Variants in MDC1 observed in about 807,000 individuals in gnomAD.
The protein encoded by MDC1 is mediator of DNA damage checkpoint 1.
MDC1 carries 81 observed loss-of-function variants against 142.5 expected under a neutral mutation model. The ratio of observed to expected loss-of-function variants is 0.57; its 90% CI spans 0.47 to 0.68. MDC1 has a LOEUF of 0.68. Among genes scored for constraint, MDC1 ranks in the 30% least tolerant of loss-of-function variants. The pLI is 0.00. For missense variants in MDC1, 2,119 were observed against 2,547.9 expected (o/e 0.83, Z 3.62); for synonymous variants, 797 against 968.4 (o/e 0.82, Z 3.29).
intron 7 of MDC1, among the ~76,000 whole-genome samples, chr6:30,710,690 C>T (rs1774727822): frequency 6.6e-6 from 1 of 152,036 alleles, no homozygotes; most frequent in Non-Finnish European, 1.5e-5. Flanking sequence ...AGCCACTGTG[C>T]CCGACCCCGG....
chr6:30,705,111 A>T lies in MDC1; in HGVS notation c.4072T>A (p.Ser1358Thr), dbSNP rs115207940. The part of the protein sequence containing the change: ...SRTTRSRTNM[S>T]SVKNPESTVP... ...GTTGATTCAGGGTTCTTCACAGAGG[A>T]CATATTTGTCCTGCTCCTAGTGGTC... The change falls in exon 10 of 15, where the codon TCC becomes ACC. Residue 1358 changes from serine (S) to threonine (T), a missense_variant. Coordinates refer to ENST00000376406, the MANE Select transcript of MDC1 (RefSeq NM_014641.3). 1.9e-4 allele frequency: 312 copies of T among 1,611,334 alleles called. 2 individuals are homozygous for T. In the African/African-American group the frequency reaches 3.9e-3, roughly 20 times the overall value.
At position 30,712,959 on chromosome 6, in the gene MDC1, T is replaced by C. The variant is rs765560793; in HGVS notation, c.983A>G (p.Asp328Gly). 1.9e-5 allele frequency: 30 copies of C among 1,612,940 alleles called. No homozygotes were observed. The Admixed American group carries it at 5.0e-4, about 27-fold the overall frequency. The change falls in exon 5 of 15, where the codon GAC (aspartate) becomes GGC (glycine). Residue 328 changes from aspartate (D) to glycine (G), a missense_variant. By Grantham distance (94) the Asp-to-Gly change is moderately conservative. Transcript: ENST00000376406. The surrounding 1 kb of genome is among the most constrained non-coding windows in gnomAD (Gnocchi z 4.7). ...CTCTTCTTCCGCATCAGTGTCGCTGTCGATGAAGCCAAAAGGCTGAGCCCT... is the reference window on the plus strand; with the variant it reads ...CTCTTCTTCCGCATCAGTGTCGCTGCCGATGAAGCCAAAAGGCTGAGCCCT... ...LERAQPFGFI[D>G]SDTDAEEERI...
In MDC1 at chr6:30,717,218, G is replaced by A. The variant is rs577242701; in HGVS notation, c.-4+27C>T. On this transcript the variant is annotated intron_variant, in intron 1 of 14. Coordinates refer to ENST00000376406, the MANE Select transcript of MDC1 (RefSeq NM_014641.3). ...GGGGAACCAAGATGGCTCCCGGGGAGCCGTGGGCCAGGCCCCTAGAACTCA... is the reference window on the plus strand; with the variant it reads ...GGGGAACCAAGATGGCTCCCGGGGAACCGTGGGCCAGGCCCCTAGAACTCA... 8 of 152,352 alleles carry A rather than the reference G, an allele frequency of 5.3e-5. No individual in the cohort carries two copies. In the East Asian group the frequency reaches 1.5e-3, roughly 29 times the overall value. The allele number at this position is 152,352 out of a possible 1,614,324, so 9.4% of individuals were successfully genotyped here.
Position 30,714,157 on chromosome 6 carries a change from C to T in MDC1, c.163G>A (p.Val55Met). 1 of 1,610,460 alleles carries T rather than the reference C, an allele frequency of 6.2e-7. No individual in the cohort carries two copies. Among genetic ancestry groups the T allele is most frequent in the Non-Finnish European group, 8.5e-7 (1 of 1,179,862 alleles). The change falls in exon 3 of 15, where the codon GTG becomes ATG. Residue 55 changes from valine (V) to methionine (M), a missense_variant. By Grantham distance (21) the Val-to-Met change is conservative. Coordinates refer to ENST00000376406, the MANE Select transcript of MDC1 (RefSeq NM_014641.3). ...KDFPLHLGKN[V>M]VGRMPDCSVA... ...GAGCAGTCAGGCATTCGGCCTACCA[C>T]ATTCTTCCCGAGGTGTAGTGGGAAA... is the stretch of plus-strand genomic sequence containing the variant.
Position 30,703,532 on chromosome 6 carries a change from G to A in MDC1, c.5568C>T (p.Val1856=), listed in dbSNP as rs745466962. ...TAEKPGKEED[V]VTPKPGKRKR... ...TTCTCTTGCCTGGTTTTGGAGTCAC[G>A]ACATCCTGAGATTGAGAAAAATCTT... Residue 1856 remains valine, a synonymous_variant, in exon 11 of 15, where the codon GTC becomes GTT. Coordinates refer to ENST00000376406, the MANE Select transcript of MDC1 (RefSeq NM_014641.3). This position sits in a 1 kb window ranked among gnomAD's most constrained non-coding sequence, Gnocchi z 4.4. The A allele has an allele frequency of 1.6e-5, 25 of 1,612,832 alleles. No individual in the cohort carries two copies. Among genetic ancestry groups the A allele is most frequent in the Non-Finnish European group, 1.9e-5 (22 of 1,180,032 alleles).
rs2127703952 is a variant in MDC1 at position 30,709,939 on chromosome 6, T to G, written c.2221+1473A>C. On this transcript the variant is annotated intron_variant, in intron 7 of 14. Transcript: ENST00000376406. This position sits in a 1 kb window ranked among gnomAD's most constrained non-coding sequence, Gnocchi z 4.2. ...CTCTGTCACCCAGTTTGGAGTGCAG[T>G]GGCATGACCTCAGCTCACTGCAACC... Among the ~76,000 whole-genome samples, 1 of 152,308 alleles carries G rather than the reference T, an allele frequency of 6.6e-6. No individual in the cohort carries two copies. Among genetic ancestry groups the G allele is most frequent in the African/African-American group, 2.4e-5 (1 of 41,568 alleles).
At position 30,709,260 on chromosome 6, in the gene MDC1, AC is replaced by A. The variant is rs1562111885; in HGVS notation, c.2222-904del. 6.6e-6 allele frequency among the ~76,000 whole-genome samples: 1 copy of A among 152,166 alleles called. No homozygotes were observed. The highest frequency in any genetic ancestry group is 1.5e-5 in the Non-Finnish European group (1 of 68,036). ...TTGAACTCTTAGACTCAAGTGATCC[AC>A]CCACATTGGTCTCCCAAAGTGCTGG... On this transcript the variant is annotated intron_variant, in intron 7 of 14. Transcript: ENST00000376406. This position sits in a 1 kb window ranked among gnomAD's most constrained non-coding sequence, Gnocchi z 4.2.
chr6:30,707,561 C>T lies in MDC1; in HGVS notation c.3013+5G>A. On this transcript the variant is annotated splice_donor_5th_base_variant and intron_variant, in intron 8 of 14. Coordinates refer to ENST00000376406, the MANE Select transcript of MDC1 (RefSeq NM_014641.3). ...CACCTTGGGTTCCCCTCTGCCTTCA[C>T]TTACCTTTCTGATGCCTCCTGGGGC... 1 of 1,612,260 alleles carries T rather than the reference C, an allele frequency of 6.2e-7. No individual in the cohort carries two copies. The highest frequency in any genetic ancestry group is 8.5e-7 in the Non-Finnish European group (1 of 1,179,376).
In MDC1 at chr6:30,712,059, C is replaced by G. The variant is rs1483241432; in HGVS notation, c.1883G>C (p.Gly628Ala). The change falls in exon 5 of 15, where the codon GGG (glycine) becomes GCG (alanine). Residue 628 changes from glycine (G) to alanine (A), a missense_variant. By Grantham distance (60) the Gly-to-Ala change is moderately conservative (BLOSUM62 0). Coordinates refer to ENST00000376406, the MANE Select transcript of MDC1 (RefSeq NM_014641.3). The surrounding 1 kb of genome is among the most constrained non-coding windows in gnomAD (Gnocchi z 4.7). ...ERAHEVGAQG[G>A]PPVAQVEQDL... Reference sequence around the variant, plus strand: ...CTGCTCCACTTGTGCCACAGGTGGCCCACCCTGGGCCCCCACCTCATGAGC... The same window carrying G: ...CTGCTCCACTTGTGCCACAGGTGGCGCACCCTGGGCCCCCACCTCATGAGC... 1 of 1,586,516 alleles carries G rather than the reference C, an allele frequency of 6.3e-7. No individual in the cohort carries two copies. The highest frequency in any genetic ancestry group is 8.6e-7 in the Non-Finnish European group (1 of 1,167,640).
intron 9 of MDC1, among the ~76,000 whole-genome samples, chr6:30,706,971 A>G (rs965613214): frequency 3.3e-5 from 5 of 152,202 alleles, no homozygotes; most frequent in African/African-American, 1.2e-4. Context: ...TGTCTCAAAA[A>G]AGAACAAAAA....
intron 14 of MDC1, among the ~76,000 whole-genome samples, chr6:30,702,155 C>T (rs1017266481): frequency 7.2e-6 from 1 of 139,622 alleles, no homozygotes; most frequent in Non-Finnish European, 1.5e-5. Context: ...CCCAGCTACT[C>T]GGGAGGCTGA....
chr6:30,704,211 A>C lies in MDC1; in HGVS notation c.4972T>G (p.Ser1658Ala). Residue 1658 changes from serine to alanine, a missense_variant, in exon 10 of 15, where the codon TCT becomes GCT. Ser to Ala is a moderately conservative substitution (Grantham distance 99). Transcript: ENST00000376406. ...KTPKPVEPAASDLEPFTPTDQ... is the reference protein window; with the variant it reads ...KTPKPVEPAAADLEPFTPTDQ... ...GTGGGGGTAAAAGGCTCAAGATCAGAGGCTGCTGGTTCAACTGGTTTGGGA... is the reference window on the plus strand; with the variant it reads ...GTGGGGGTAAAAGGCTCAAGATCAGCGGCTGCTGGTTCAACTGGTTTGGGA... 6.2e-7 allele frequency: 1 copy of C among 1,611,766 alleles called. No homozygotes were observed. Among genetic ancestry groups the C allele is most frequent in the African/African-American group, 1.3e-5 (1 of 74,202 alleles).
chr6:30,713,819 G>A lies in MDC1; in HGVS notation c.501C>T (p.Asp167=). 1 of 1,613,938 alleles carries A rather than the reference G, an allele frequency of 6.2e-7. No individual in the cohort carries two copies. The highest frequency in any genetic ancestry group is 1.3e-5 in the African/African-American group (1 of 74,994). Residue 167 remains aspartate (D), a synonymous_variant, in exon 3 of 15, where the codon GAC becomes GAT. Transcript: ENST00000376406. The surrounding 1 kb of genome is among the most constrained non-coding windows in gnomAD (Gnocchi z 4.9). The part of the protein sequence containing the change: ...TQPQRLLLAE[D]SEEEVDFLSE... Reference sequence around the variant, plus strand: ...CAAACTTACCTACTTCCTCCTCCGAGTCCTCAGCCAACAGAAGCCTCTGGG... The same window carrying A: ...CAAACTTACCTACTTCCTCCTCCGAATCCTCAGCCAACAGAAGCCTCTGGG...
chr6:30,707,184 T>G (rs1774018558), intron 9 of MDC1, among the ~76,000 whole-genome samples, 200 bp downstream of exon 9: 1 of 151,976 alleles, frequency 6.6e-6, no homozygotes, highest in Non-Finnish European at 1.5e-5. Context: ...TTGAGTCAGG[T>G]AGGAGATACA....
In MDC1 at chr6:30,712,069, C is replaced by A; in HGVS notation, c.1873G>T (p.Ala625Ser). ...LKQERAHEVG[A>S]QGGPPVAQVE... ...TGTGCCACAGGTGGCCCACCCTGGGCCCCCACCTCATGAGCTCTCTCCTGC... is the reference window on the plus strand; with the variant it reads ...TGTGCCACAGGTGGCCCACCCTGGGACCCCACCTCATGAGCTCTCTCCTGC... The change falls in exon 5 of 15, where the codon GCC becomes TCC. Residue 625 changes from alanine to serine, a missense_variant. Physicochemically the swap from Ala to Ser is moderately conservative, Grantham distance 99. Transcript: ENST00000376406. The surrounding 1 kb of genome is among the most constrained non-coding windows in gnomAD (Gnocchi z 4.7). The A allele has an allele frequency of 4.4e-6, 7 of 1,590,320 alleles. No homozygotes were observed. The highest frequency in any genetic ancestry group is 5.1e-6 in the Non-Finnish European group (6 of 1,168,664).
Position 30,712,943 on chromosome 6 carries a change from C to T in MDC1, c.999G>A (p.Ala333=), listed in dbSNP as rs60399658. ...GGGTTGCTGGGATCCTCTCTTCTTC[C>T]GCATCAGTGTCGCTGTCGATGAAGC... is the stretch of plus-strand genomic sequence containing the variant. The part of the protein sequence containing the change: ...PFGFIDSDTD[A]EEERIPATPV... Residue 333 remains alanine, a synonymous_variant, in exon 5 of 15, where the codon GCG becomes GCA. Coordinates refer to ENST00000376406, the MANE Select transcript of MDC1 (RefSeq NM_014641.3). The surrounding 1 kb of genome is among the most constrained non-coding windows in gnomAD (Gnocchi z 4.7). 5.5e-3 allele frequency: 8,918 copies of T among 1,613,050 alleles called. 62 individuals carry two copies. Among genetic ancestry groups the T allele is most frequent in the East Asian group, 0.033 (1,487 of 44,886 alleles).
chr6:30,703,104 C>T lies in MDC1; in HGVS notation c.5865G>A (p.Gln1955=), dbSNP rs1406728776. The T allele has an allele frequency of 6.2e-7, 1 of 1,611,900 alleles. No homozygotes were observed. The highest frequency in any genetic ancestry group is 1.3e-5 in the African/African-American group (1 of 74,932). The change falls in exon 12 of 15, where the codon CAG becomes CAA. Residue 1955 remains glutamine (Q), a splice_region_variant and synonymous_variant. Coordinates refer to ENST00000376406, the MANE Select transcript of MDC1 (RefSeq NM_014641.3). The surrounding 1 kb of genome is among the most constrained non-coding windows in gnomAD (Gnocchi z 4.4). ...IPILSLDWLH[Q]SRKAGFFLPP... Reference sequence around the variant, plus strand: ...CTGTCATCATCCCTTGGCCTCTCACCTGATGCAGCCAGTCCAGGGACAGAA... The same window carrying T: ...CTGTCATCATCCCTTGGCCTCTCACTTGATGCAGCCAGTCCAGGGACAGAA...
chr6:30,701,306 CAGG>C lies in MDC1; in HGVS notation c.6103-677_6103-675del, dbSNP rs1293344416. Among the ~76,000 whole-genome samples, 8 of 151,722 alleles carry C rather than the reference CAGG, an allele frequency of 5.3e-5. No homozygotes were observed. The East Asian group carries it at 1.4e-3, about 26-fold the overall frequency. On this transcript the variant is annotated intron_variant, in intron 14 of 14. Coordinates refer to ENST00000376406, the MANE Select transcript of MDC1 (RefSeq NM_014641.3). ...GTCCCAGCTACTCGGGAGGTTGAGG[CAGG>C]AGAACAGCTTGAACCCGGGAGATGG...
Position 30,703,457 on chromosome 6 carries a change from G to A in MDC1, c.5643C>T (p.Leu1881=), listed in dbSNP as rs775881692. 1 of 1,613,986 alleles carries A rather than the reference G, an allele frequency of 6.2e-7. No individual in the cohort carries two copies. The highest frequency in any genetic ancestry group is 1.1e-5 in the South Asian group (1 of 91,076). ...EEPNRIPSRS[L]RRTKLNQEST... is the part of the protein sequence containing the mutation. ...ATTCTTGGTTAAGTTTGGTCCGTCG[G>A]AGGCTGCGGCTTGGTATTCTGTTGG... The change falls in exon 11 of 15, where the codon CTC becomes CTT. Residue 1881 remains leucine (L), a synonymous_variant. Transcript: ENST00000376406. The surrounding 1 kb of genome is among the most constrained non-coding windows in gnomAD (Gnocchi z 4.4).
Sources: gnomAD v4.1 joint callset for allele counts (sites outside exome capture counted in the v4.1 genomes callset) on GRCh38, gnomAD v4.1.1 for gene constraint, Gnocchi (gnomAD v3.1) non-coding constraint, MANE v1.5 for transcripts, NCBI Gene and HGNC (gene_info 2026-07-23, HGNC 2026-07-21) for gene names.